The following RBFOX1 variants were observed in gnomAD, a reference collection of about 807,000 sequenced individuals.
RBFOX1 encodes the protein RNA binding protein fox-1 homolog 1.
In RBFOX1, 8 loss-of-function variants were observed where a neutral mutation model predicts 57.7. The ratio of observed to expected loss-of-function variants is 0.14; its 90% confidence interval spans 0.08 to 0.25. The LOEUF (loss-of-function observed/expected upper bound fraction) is 0.25, where lower values mean the gene tolerates loss of function less well. RBFOX1 is among the 10% of genes least tolerant of loss of function. The probability of loss-of-function intolerance (pLI) is 1.00; values close to 1 mark genes in which losing one functional copy is unlikely to be tolerated. For synonymous variants in RBFOX1, 326 were observed against 222.4 expected, an observed-to-expected ratio of 1.47 and a Z score of -4.15; for missense variants, 611 against 548.5, an observed-to-expected ratio of 1.11 and a Z score of -1.14.
chr16:5,612,056 C>G (rs997663868), intron 3 of RBFOX1, among the ~76,000 whole-genome samples: 6 of 150,990 alleles, frequency 4.0e-5, no homozygotes, highest in East Asian at 2.0e-4. Context: ...TGATCCATCT[C>G]TCCATCTAGT....
intron 2 of RBFOX1, among the ~76,000 whole-genome samples, chr16:6,650,176 CT>C (rs1000583823): frequency 6.6e-6 from 1 of 152,118 alleles, no homozygotes; most frequent in African/African-American, 2.4e-5. Flanking sequence ...AAGAATATGC[CT>C]TTTTAACAGC....
intron 4 of RBFOX1, chr16:7,510,409 C>T (rs1027309139): frequency 1.4e-5 from 13 of 912,492 alleles, no homozygotes; most frequent in East Asian, 2.4e-4. Context: ...CTGTCGGTGA[C>T]ACGTAGCTTG....
chr16:6,921,645 A>ATATATTT (rs910975670), intron 3 of RBFOX1, among the ~76,000 whole-genome samples: 3 of 55,294 alleles, frequency 5.4e-5, no homozygotes, highest in Admixed American at 1.7e-4. Flanking sequence ...ATATATATAT[A>ATATATTT]TTTTTTTTTT....
chr16:6,997,852 A>G (rs1194178454), intron 3 of RBFOX1, among the ~76,000 whole-genome samples: 3 of 152,158 alleles, frequency 2.0e-5, no homozygotes, highest in African/African-American at 7.2e-5. Flanking sequence ...ATAGCAGGAA[A>G]CAGTTATCAG....
At chr16:5,409,594 C>A (rs138746609) in intron 1 of RBFOX1, among the ~76,000 whole-genome samples, 4,020 of 152,286 alleles carry the variant, frequency 0.026, 97 homozygotes, top group Admixed American at 0.04. Flanking sequence ...ATGTGCCAGG[C>A]ATGTTCTAGG....
chr16:6,838,274 T>TG (rs1285409991), intron 3 of RBFOX1, among the ~76,000 whole-genome samples: 1 of 152,076 alleles, frequency 6.6e-6, no homozygotes, highest in Admixed American at 6.6e-5. Flanking sequence ...TGAGAAGATG[T>TG]GGTGTTTGGT....
chr16:5,522,896 C>G (rs557825033), intron 2 of RBFOX1, among the ~76,000 whole-genome samples: 1 of 152,308 alleles, frequency 6.6e-6, no homozygotes, highest in South Asian at 2.1e-4. Flanking sequence ...GGCTGAATAG[C>G]ATTCCATCGT....
intron 3 of RBFOX1, among the ~76,000 whole-genome samples, chr16:5,776,018 C>T (rs1189254100): frequency 6.6e-6 from 1 of 151,492 alleles, no homozygotes; most frequent in Non-Finnish European, 1.5e-5. Context: ...GGGCAAAGAG[C>T]TCTTCAAGAG....
intron 4 of RBFOX1, among the ~76,000 whole-genome samples, chr16:7,313,358 G>T (rs925730098): frequency 2.0e-5 from 3 of 152,060 alleles, no homozygotes; most frequent in African/African-American, 7.2e-5. Context: ...TTTCTTCATG[G>T]TGCAGTGGCA....
At chr16:6,718,766 G>GT (rs1206667436) in intron 3 of RBFOX1, among the ~76,000 whole-genome samples, 1 of 152,188 alleles carries the variant, frequency 6.6e-6, no homozygotes, top group Admixed American at 6.5e-5. Context: ...TCCCAAATGA[G>GT]TTAAACTCAC....
At chr16:7,217,004 C>T (rs866491632) in intron 4 of RBFOX1, among the ~76,000 whole-genome samples, 2 of 86,436 alleles carry the variant, frequency 2.3e-5, no homozygotes, top group Non-Finnish European at 4.6e-5. Flanking sequence ...TCCTCCCTCC[C>T]TCCCTTCCCT....
At chr16:6,906,265 T>C (rs2069902404) in intron 3 of RBFOX1, among the ~76,000 whole-genome samples, 1 of 150,736 alleles carries the variant, frequency 6.6e-6, no homozygotes, top group African/African-American at 2.5e-5. Context: ...TACATTGTCA[T>C]GTGGAGCGGA....
At chr16:6,392,107 A>G (rs2092631018) in intron 2 of RBFOX1, among the ~76,000 whole-genome samples, 1 of 152,222 alleles carries the variant, frequency 6.6e-6, no homozygotes, top group African/African-American at 2.4e-5. Flanking sequence ...AATTATGCCC[A>G]GAGTGACTCT....
chr16:5,733,803 C>A (rs980259855), intron 3 of RBFOX1, among the ~76,000 whole-genome samples: 1 of 152,022 alleles, frequency 6.6e-6, no homozygotes, highest in Admixed American at 6.6e-5. Context: ...TTCCTTCTCA[C>A]CTTTCCTTCC....
chr16:5,450,725 C>T (rs1250057087), intron 1 of RBFOX1, among the ~76,000 whole-genome samples: 1 of 152,194 alleles, frequency 6.6e-6, no homozygotes, highest in Non-Finnish European at 1.5e-5. Flanking sequence ...GGCTCTGATG[C>T]CTTGCTGGGA....
At chr16:6,911,489 G>A (rs551083059) in intron 3 of RBFOX1, among the ~76,000 whole-genome samples, 1 of 152,204 alleles carries the variant, frequency 6.6e-6, no homozygotes, top group Non-Finnish European at 1.5e-5. Context: ...ACCTGCATGT[G>A]TTCTCCCCAT....
At chr16:6,800,317 T>C (rs2085101626) in intron 3 of RBFOX1, among the ~76,000 whole-genome samples, 1 of 152,300 alleles carries the variant, frequency 6.6e-6, no homozygotes, top group South Asian at 2.1e-4. Context: ...CCAGACGGGC[T>C]GGTAGTACCA....
At chr16:6,805,130 T>A (rs112903219) in intron 3 of RBFOX1, among the ~76,000 whole-genome samples, 5 of 151,976 alleles carry the variant, frequency 3.3e-5, no homozygotes, top group African/African-American at 7.2e-5. Flanking sequence ...AGCAAAGATA[T>A]GGAATCAACC....
intron 4 of RBFOX1, among the ~76,000 whole-genome samples, chr16:7,464,206 A>T (rs112550123): frequency 1.3e-5 from 2 of 152,260 alleles, no homozygotes; most frequent in South Asian, 4.2e-4. Context: ...GTTTTGCTCA[A>T]TGATTGTGTG....
Sources: gnomAD v4.1 joint callset for allele counts (sites outside exome capture counted in the v4.1 genomes callset) on GRCh38, gnomAD v4.1.1 for gene constraint, MANE v1.5 for transcripts, NCBI Gene and HGNC (gene_info 2026-07-23, HGNC 2026-07-21) for gene names.